Variants in ADH4 observed in about 807,000 individuals in gnomAD.
ADH4 encodes all-trans-retinol dehydrogenase [NAD(+)] ADH4.
ADH4 carries 31 observed loss-of-function variants against 35.2 expected under a neutral mutation model. That is an observed-to-expected ratio of 0.88 (90% CI 0.66 to 1.19). The LOEUF (loss-of-function observed/expected upper bound fraction) is 1.19. Among genes scored for constraint, ADH4 ranks in the 50% most tolerant of loss-of-function variants. ADH4 has a pLI of 0.00. For synonymous variants in ADH4, 171 were observed against 160.2 expected (o/e 1.07, Z -0.51); for missense variants, 476 against 458.3 (o/e 1.04, Z -0.35).
chr4:99,139,735 C>G (rs1189735653), intron 3 of ADH4, among the ~76,000 whole-genome samples: 1 of 152,128 alleles, frequency 6.6e-6, no homozygotes, highest in Non-Finnish European at 1.5e-5. Context: ...ATTCTCAGAG[C>G]AACTCTTTGA....
chr4:99,136,400 G>A, intron 5 of ADH4, 66 bp downstream of exon 5: 1 of 1,336,122 alleles, frequency 7.5e-7, no homozygotes, highest in Non-Finnish European at 1.1e-6. Context: ...ACTAACTCTA[G>A]TTCATCTGTA....
Position 99,131,657 on chromosome 4 carries a change from G to C in ADH4, c.690C>G (p.Ile230Met). The stretch of plus-strand genomic sequence containing the variant: ...TAGCCTTCACAAACTTCTCACTGTT[G>C]ATGTCAATACCTATGATTCTGGAAG... ...AGASRIIGID[I>M]NSEKFVKAKA... is the part of the protein sequence containing the mutation. The change falls in exon 6 of 9, where the codon ATC becomes ATG. Residue 230 changes from isoleucine (I) to methionine (M), a missense_variant. By Grantham distance (10) the Ile-to-Met change is conservative. Coordinates refer to ENST00000265512, the MANE Select transcript of ADH4 (RefSeq NM_000670.5). The C allele has an allele frequency of 6.2e-7, 1 of 1,614,112 alleles. No individual in the cohort carries two copies. The highest frequency in any genetic ancestry group is 2.2e-5 in the East Asian group (1 of 44,872).
Position 99,131,784 on chromosome 4 carries a change from A to G in ADH4, c.583-20T>C. The G allele has an allele frequency of 6.2e-7, 1 of 1,605,894 alleles. No individual in the cohort carries two copies. Among genetic ancestry groups the G allele is most frequent in the Non-Finnish European group, 8.5e-7 (1 of 1,176,870 alleles). On this transcript the variant is annotated intron_variant, in intron 5 of 8. Transcript: ENST00000265512. ...GGTGACCTGCAAGCAGGAAAATTAT[A>G]AAGTAACTTCTAAAGCAGCCAGTCC...
intron 5 of ADH4, among the ~76,000 whole-genome samples, chr4:99,132,740 A>G (rs29001199): frequency 0.21 from 31,990 of 152,108 alleles, 4,031 homozygotes; most frequent in Non-Finnish European, 0.28. Context: ...TACATAGAGA[A>G]ATACTTAATA....
chr4:99,143,049 T>C (rs904597776), intron 1 of ADH4: 1 of 686,898 alleles, frequency 1.5e-6, no homozygotes, highest in African/African-American at 1.8e-5. Flanking sequence ...TTTACCTTGA[T>C]ATAATGTCTC....
rs1728986497 is a variant in ADH4, at chr4:99,123,754, A to G, written c.*688T>C. ...ATATACAATTAAATTGCTGTTGACT[A>G]TAGTCTCCCTGTTGTGCTATCAAAT... On this transcript the variant is annotated 3_prime_UTR_variant, in exon 9 of 9. Transcript: ENST00000265512. 1 of 152,154 alleles carries G rather than the reference A, an allele frequency of 6.6e-6. No homozygotes were observed. The highest frequency in any genetic ancestry group is 1.5e-5 in the Non-Finnish European group (1 of 68,032). 9.4% of individuals were successfully genotyped at this position (152,154 alleles called of 1,614,324 possible). A position where few individuals can be genotyped will look rare whatever the true frequency, so the allele number is the denominator to read the frequency against.
chr4:99,132,738 G>T (rs1305668600), intron 5 of ADH4, among the ~76,000 whole-genome samples: 4 of 152,046 alleles, frequency 2.6e-5, no homozygotes, highest in Non-Finnish European at 5.9e-5. Context: ...ACTACATAGA[G>T]AAATACTTAA....
At chr4:99,143,107 A>G (rs1345292435) in intron 1 of ADH4, 4 of 700,280 alleles carry the variant, frequency 5.7e-6, no homozygotes, top group Non-Finnish European at 1.0e-5. Flanking sequence ...GAGTTTGAAT[A>G]AGGTAGATGG....
chr4:99,136,789 T>C, intron 4 of ADH4, 92 bp from the exon 5 acceptor site: 2 of 818,080 alleles, frequency 2.4e-6, no homozygotes, highest in Non-Finnish European at 3.8e-6. Context: ...TTGAGCATTA[T>C]ATATTTTTGA....
At chr4:99,138,192 G>T (rs138889246) in intron 4 of ADH4, among the ~76,000 whole-genome samples, 16 of 152,166 alleles carry the variant, frequency 1.1e-4, no homozygotes, top group Non-Finnish European at 2.2e-4. Context: ...TTATTAGAAA[G>T]AATTTATTGG....
At chr4:99,138,914 C>A in intron 4 of ADH4, 147 bp downstream of exon 4, 1 of 551,210 alleles carries the variant, frequency 1.8e-6, no homozygotes, top group Non-Finnish European at 3.2e-6. Context: ...TCTTTGTGTG[C>A]ACTTGCAATA....
chr4:99,123,666 C>T lies in ADH4; in HGVS notation c.*776G>A, dbSNP rs1334197487. 1.3e-5 allele frequency: 2 copies of T among 151,844 alleles called. No individual in the cohort carries two copies. Among genetic ancestry groups the T allele is most frequent in the Non-Finnish European group, 2.9e-5 (2 of 67,974 alleles). 9.4% of individuals were successfully genotyped at this position (151,844 alleles called of 1,614,324 possible). A position where few individuals can be genotyped will look rare whatever the true frequency, so the allele number is the denominator to read the frequency against. ...AATCACATCATGTAATATGGGGTGT[C>T]CATCTCCTCAAGCATTTATTTGTGT... On this transcript the variant is annotated 3_prime_UTR_variant, in exon 9 of 9. Coordinates refer to ENST00000265512, the MANE Select transcript of ADH4 (RefSeq NM_000670.5).
At chr4:99,137,755 C>CT (rs1182118193) in intron 4 of ADH4, among the ~76,000 whole-genome samples, 1 of 152,196 alleles carries the variant, frequency 6.6e-6, no homozygotes, top group Non-Finnish European at 1.5e-5. Flanking sequence ...CAGGTTTCAT[C>CT]TATTATTCCT....
In ADH4 at chr4:99,142,770, C is replaced by T; in HGVS notation, c.29G>A (p.Cys10Tyr). The T allele has an allele frequency of 1.3e-6, 2 of 1,599,316 alleles. No individual in the cohort carries two copies. The highest frequency in any genetic ancestry group is 1.7e-6 in the Non-Finnish European group (2 of 1,174,118). The change falls in exon 2 of 9, where the codon TGC (cysteine) becomes TAC (tyrosine). Residue 10 changes from cysteine to tyrosine, a missense_variant. Physicochemically the swap from Cys to Tyr is radical, Grantham distance 194. Transcript: ENST00000265512. ...TGCTTCCCAGGCGATGGCTGCTTTG[C>T]ATTTAATAACCTGAAAGAGAGAAAG... MGTKGKVIK[C>Y]KAAIAWEAGK...
At chr4:99,143,347 G>T in intron 1 of ADH4, 1 of 639,034 alleles carries the variant, frequency 1.6e-6, no homozygotes, top group Admixed American at 2.2e-5. Context: ...TTAAAAGTCT[G>T]AGAAATGAGG....
At chr4:99,128,193 G>T (rs1729158317) in intron 6 of ADH4, among the ~76,000 whole-genome samples, 1 of 152,172 alleles carries the variant, frequency 6.6e-6, no homozygotes, top group Non-Finnish European at 1.5e-5. Context: ...CCAGCACTTT[G>T]GGAGGCCAAG....
At chr4:99,135,918 C>T (rs1729419043) in intron 5 of ADH4, among the ~76,000 whole-genome samples, 1 of 152,150 alleles carries the variant, frequency 6.6e-6, no homozygotes, top group Admixed American at 6.5e-5. Context: ...TAAATTCTAA[C>T]ATGGGATTCC....
intron 3 of ADH4, among the ~76,000 whole-genome samples, chr4:99,140,710 A>T (rs1729582970): frequency 6.6e-6 from 1 of 151,772 alleles, no homozygotes; most frequent in African/African-American, 2.4e-5. Flanking sequence ...TCTACTGAAA[A>T]TACAAAATTA....
intron 5 of ADH4, 127 bp from the exon 6 acceptor site, chr4:99,131,891 T>G: frequency 1.0e-6 from 1 of 989,796 alleles, no homozygotes; most frequent in African/African-American, 1.6e-5. Flanking sequence ...AACTCTATGA[T>G]ATAGCCAATG....
Sources: gnomAD v4.1 joint callset for allele counts (sites outside exome capture counted in the v4.1 genomes callset) on GRCh38, gnomAD v4.1.1 for gene constraint, MANE v1.5 for transcripts, NCBI Gene and HGNC (gene_info 2026-07-23, HGNC 2026-07-21) for gene names.